Variants in EDNRB observed in about 807,000 individuals in gnomAD.
EDNRB encodes Hirschsprung disease 2.
A neutral mutation model predicts 46.4 loss-of-function variants in EDNRB; 18 were observed. The observed-to-expected ratio is 0.39, with a 90% confidence interval of 0.27 to 0.57. The LOEUF (loss-of-function observed/expected upper bound fraction) is 0.57. Among genes scored for constraint, EDNRB ranks in the 20% least tolerant of loss-of-function variants. EDNRB has a pLI of 0.61. For synonymous variants in EDNRB, 213 were observed against 204.9 expected (o/e 1.04, Z -0.34); for missense variants, 434 against 537.5 (o/e 0.81, Z 1.90).
chr13:77,947,303 T>C (rs1325882830), intron 1 of EDNRB, among the ~76,000 whole-genome samples: 1 of 151,880 alleles, frequency 6.6e-6, no homozygotes, highest in East Asian at 1.9e-4. Context: ...GTTTTTTTTT[T>C]TTTTCTATTT....
chr13:77,954,064 T>A (rs2137676957), intron 1 of EDNRB, among the ~76,000 whole-genome samples: 1 of 152,254 alleles, frequency 6.6e-6, no homozygotes, highest in Non-Finnish European at 1.5e-5. Context: ...CTTATCTACT[T>A]CCCCCTTCTT....
At chr13:77,915,190 A>C (rs1879749028) in intron 1 of EDNRB, among the ~76,000 whole-genome samples, 1 of 152,218 alleles carries the variant, frequency 6.6e-6, no homozygotes, top group African/African-American at 2.4e-5. Flanking sequence ...ATTTAGGAGA[A>C]TAAATGGCTT....
intron 1 of EDNRB, among the ~76,000 whole-genome samples, chr13:77,966,372 C>T (rs1427776839): frequency 6.6e-6 from 1 of 152,174 alleles, no homozygotes; most frequent in Admixed American, 6.6e-5. Flanking sequence ...CTATACTGTC[C>T]TAACAACAAA....
intron 1 of EDNRB, among the ~76,000 whole-genome samples, chr13:77,958,639 G>T (rs1157854013): frequency 1.3e-5 from 2 of 152,192 alleles, no homozygotes; most frequent in Non-Finnish European, 2.9e-5. Context: ...CTCCCAAAGT[G>T]CTGGGATTAC....
chr13:77,963,526 T>C (rs1371603586), intron 1 of EDNRB, among the ~76,000 whole-genome samples: 1 of 152,152 alleles, frequency 6.6e-6, no homozygotes, highest in Non-Finnish European at 1.5e-5. Flanking sequence ...GGGAAAGGAT[T>C]CCCTATTTAA....
upstream of EDNRB, among the ~76,000 whole-genome samples, chr13:77,920,970 A>G (rs3759475): frequency 0.53 from 80,741 of 151,790 alleles, 22,433 homozygotes; most frequent in Non-Finnish European, 0.63. Context: ...CATCATCTCC[A>G]TCTCCATTCA....
In EDNRB at chr13:77,910,162, G is replaced by A. The variant is rs373505970; in HGVS notation, c.484-6555C>T. Among the ~76,000 whole-genome samples, 122 of 152,090 alleles carry A rather than the reference G, an allele frequency of 8.0e-4. 2 individuals carry two copies. The South Asian group carries it at 0.024, about 31-fold the overall frequency. On this transcript the variant is annotated intron_variant, in intron 1 of 6. Transcript: ENST00000646607. Reference sequence around the variant, plus strand: ...CAGTAAACATAGGAGCATTGTAAGAGATGATTGTTTTAGAGGATGAGTGAG... The same window carrying A: ...CAGTAAACATAGGAGCATTGTAAGAAATGATTGTTTTAGAGGATGAGTGAG...
rs138468838 is a variant in EDNRB at position 77,971,811 on chromosome 13, C to T, written c.-52+3536G>A. ...ATCCATAGGGACTTCTCTCACTTTA[C>T]GATGTCTTATTTTTTCTCCTTCTTG... On this transcript the variant is annotated intron_variant, in intron 1 of 7. Transcript: ENST00000646948. Among the ~76,000 whole-genome samples the T allele has an allele frequency of 2.1e-3, 316 of 152,178 alleles. 1 individual carries two copies. The highest frequency in any genetic ancestry group is 6.9e-3 in the African/African-American group (288 of 41,512).
chr13:77,948,375 C>T (rs1880992893), intron 1 of EDNRB, among the ~76,000 whole-genome samples: 1 of 152,132 alleles, frequency 6.6e-6, no homozygotes, highest in Non-Finnish European at 1.5e-5. Context: ...AACACATAAC[C>T]TCCCTGAGAT....
At chr13:77,955,532 G>C (rs771216185) in intron 1 of EDNRB, among the ~76,000 whole-genome samples, 1 of 152,030 alleles carries the variant, frequency 6.6e-6, no homozygotes, top group Non-Finnish European at 1.5e-5. Context: ...TCATATTCAA[G>C]AAATCATTGC....
chr13:77,955,461 G>C (rs1438645078), intron 1 of EDNRB, among the ~76,000 whole-genome samples: 1 of 152,098 alleles, frequency 6.6e-6, no homozygotes, highest in Admixed American at 6.6e-5. Flanking sequence ...CCATGCAAAA[G>C]TATTTAGTTT....
chr13:77,949,660 T>C (rs138791136), intron 1 of EDNRB, among the ~76,000 whole-genome samples: 15 of 152,250 alleles, frequency 9.9e-5, no homozygotes, highest in African/African-American at 3.6e-4. Flanking sequence ...ACTGAAATAA[T>C]GCTTGAAGTC....
At chr13:77,937,879 C>T (rs772750233) in intron 1 of EDNRB, among the ~76,000 whole-genome samples, 38 of 152,018 alleles carry the variant, frequency 2.5e-4, no homozygotes, top group African/African-American at 7.3e-4. Context: ...TGAGCTGCAT[C>T]GGGAACAGAG....
chr13:77,914,674 AGT>A (rs1171896495), intron 1 of EDNRB, among the ~76,000 whole-genome samples: 1 of 152,192 alleles, frequency 6.6e-6, no homozygotes, highest in African/African-American at 2.4e-5. Flanking sequence ...GACCTGTGAG[AGT>A]GGTATGATTC....
chr13:77,927,810 A>G (rs1880278692), intron 1 of EDNRB, among the ~76,000 whole-genome samples: 1 of 152,256 alleles, frequency 6.6e-6, no homozygotes, highest in African/African-American at 2.4e-5. Flanking sequence ...CTGTGTCCCC[A>G]GCCAAATCTC....
At chr13:77,974,400 T>C (rs886734898) in intron 1 of EDNRB, among the ~76,000 whole-genome samples, 5 of 152,174 alleles carry the variant, frequency 3.3e-5, no homozygotes, top group African/African-American at 1.2e-4. Context: ...GGTTAAGGAT[T>C]TTTGATAGGA....
At chr13:77,935,407 A>G (rs1880532893) in intron 1 of EDNRB, among the ~76,000 whole-genome samples, 1 of 152,158 alleles carries the variant, frequency 6.6e-6, no homozygotes, top group African/African-American at 2.4e-5. Flanking sequence ...GGAATGAAAA[A>G]GAGTGGGGAA....
At chr13:77,971,735 G>A (rs1248916717) in intron 1 of EDNRB, among the ~76,000 whole-genome samples, 19 of 152,098 alleles carry the variant, frequency 1.2e-4, no homozygotes, top group Admixed American at 1.2e-3. Flanking sequence ...AATTGATCTG[G>A]TATTCCTTGC....
intron 4 of EDNRB, 82 bp from the exon 5 acceptor site, chr13:77,900,736 T>C: frequency 6.3e-7 from 1 of 1,583,864 alleles, no homozygotes; most frequent in South Asian, 1.1e-5. Context: ...ACATTTAATA[T>C]TGTCTACAAA....
Sources: gnomAD v4.1 joint callset for allele counts (sites outside exome capture counted in the v4.1 genomes callset) on GRCh38, gnomAD v4.1.1 for gene constraint, MANE v1.5 for transcripts, NCBI Gene and HGNC (gene_info 2026-07-23, HGNC 2026-07-21) for gene names.